Variants in AGBL4 observed in about 807,000 individuals in gnomAD.
The protein encoded by AGBL4 is AGBL carboxypeptidase 4, also known as cytosolic carboxypeptidase 6.
Under a neutral mutation model 66.4 loss-of-function variants are expected in AGBL4, and 58 were observed. The ratio of observed to expected loss-of-function variants is 0.87; its 90% CI spans 0.71 to 1.09. The LOEUF (loss-of-function observed/expected upper bound fraction) is 1.09. Ranked by LOEUF, AGBL4 falls within the 50% of genes least tolerant of loss-of-function variation. The probability of loss-of-function intolerance (pLI) is 0.00; values close to 1 mark genes in which losing one functional copy is unlikely to be tolerated. For missense variants in AGBL4, 579 were observed against 631.0 expected, an observed-to-expected ratio of 0.92 and a Z score of 0.88; for synonymous variants, 234 against 222.9, an observed-to-expected ratio of 1.05 and a Z score of -0.44.
chr1:49,238,238 G>A (rs1478957187), intron 4 of AGBL4, among the ~76,000 whole-genome samples: 1 of 152,074 alleles, frequency 6.6e-6, no homozygotes, highest in East Asian at 1.9e-4. Flanking sequence ...AATTTGGGAT[G>A]ATTTCATCCA....
At chr1:49,833,021 G>T (rs373722701) in intron 2 of AGBL4, among the ~76,000 whole-genome samples, 1 of 151,656 alleles carries the variant, frequency 6.6e-6, no homozygotes, top group African/African-American at 2.4e-5. Flanking sequence ...GTCAATTTTG[G>T]CTTTTGTTGC....
chr1:49,874,581 A>T (rs1219326989), intron 1 of AGBL4, among the ~76,000 whole-genome samples: 1 of 152,122 alleles, frequency 6.6e-6, no homozygotes, highest in Non-Finnish European at 1.5e-5. Flanking sequence ...AAAAAAGTAG[A>T]ATTACCTATG....
At chr1:49,065,823 C>G (rs1273912087) in intron 4 of AGBL4, among the ~76,000 whole-genome samples, 1 of 152,188 alleles carries the variant, frequency 6.6e-6, no homozygotes, top group Non-Finnish European at 1.5e-5. Context: ...AGCTTCTTAA[C>G]AGAAGCATTC....
At chr1:49,853,625 T>C (rs1317909747) in intron 1 of AGBL4, among the ~76,000 whole-genome samples, 1 of 152,006 alleles carries the variant, frequency 6.6e-6, no homozygotes, top group African/African-American at 2.4e-5. Context: ...TGAAAGATAT[T>C]GAGGTACAAA....
chr1:49,036,458 G>C (rs1218529896), intron 5 of AGBL4, among the ~76,000 whole-genome samples: 3 of 152,128 alleles, frequency 2.0e-5, no homozygotes, highest in African/African-American at 7.2e-5. Context: ...TGACACCATG[G>C]AGTATAAAGA....
At chr1:48,627,838 G>A (rs1645530720) in intron 9 of AGBL4, among the ~76,000 whole-genome samples, 1 of 152,114 alleles carries the variant, frequency 6.6e-6, no homozygotes, top group African/African-American at 2.4e-5. Flanking sequence ...GGAGGTAAAG[G>A]AAAGGGCTGC....
intron 4 of AGBL4, among the ~76,000 whole-genome samples, chr1:49,056,378 G>T (rs932434429): frequency 1.3e-4 from 20 of 152,140 alleles, no homozygotes; most frequent in Non-Finnish European, 2.2e-4. Flanking sequence ...GAAAAAGCAA[G>T]ATAAGGGGAT....
At chr1:49,839,160 G>A (rs138300460) in intron 2 of AGBL4, among the ~76,000 whole-genome samples, 1 of 152,074 alleles carries the variant, frequency 6.6e-6, no homozygotes, top group Admixed American at 6.6e-5. Flanking sequence ...AAATAGGAAA[G>A]AAAAATATAT....
At chr1:48,856,989 A>G (rs1647177578) in intron 6 of AGBL4, among the ~76,000 whole-genome samples, 1 of 152,210 alleles carries the variant, frequency 6.6e-6, no homozygotes, top group Admixed American at 6.5e-5. Context: ...TGAAAAAGAC[A>G]AAGGATTTAG....
chr1:49,440,904 T>C (rs989179888), intron 3 of AGBL4, among the ~76,000 whole-genome samples: 3 of 152,106 alleles, frequency 2.0e-5, no homozygotes, highest in Admixed American at 6.5e-5. Flanking sequence ...ATGAACTTTT[T>C]TTGCCAGAAG....
intron 6 of AGBL4, among the ~76,000 whole-genome samples, chr1:48,715,314 T>G (rs886880931): frequency 6.6e-6 from 1 of 152,216 alleles, no homozygotes; most frequent in Non-Finnish European, 1.5e-5. Flanking sequence ...TCCTTCTTGA[T>G]GTCCCTGAGT....
intron 3 of AGBL4, among the ~76,000 whole-genome samples, chr1:49,266,776 G>A (rs1208343022): frequency 2.0e-5 from 3 of 152,138 alleles, no homozygotes; most frequent in Admixed American, 2.0e-4. Flanking sequence ...TAATTCTGGG[G>A]CTGGGTAGGG....
chr1:48,674,058 C>T (rs1646322973), intron 6 of AGBL4, among the ~76,000 whole-genome samples: 1 of 152,182 alleles, frequency 6.6e-6, no homozygotes, highest in Admixed American at 6.5e-5. Context: ...CGCTTGTCCC[C>T]TGCCCACCTC....
At chr1:49,633,637 G>A (rs1346168185) in intron 3 of AGBL4, among the ~76,000 whole-genome samples, 1 of 151,586 alleles carries the variant, frequency 6.6e-6, no homozygotes, top group Non-Finnish European at 1.5e-5. Context: ...CTAGCCTGGG[G>A]GACAGAGTGA....
chr1:48,531,530 C>A (rs1643906605), downstream of AGBL4, among the ~76,000 whole-genome samples: 1 of 152,156 alleles, frequency 6.6e-6, no homozygotes, highest in Non-Finnish European at 1.5e-5. Context: ...TCCAAAGGAA[C>A]CCATCCAGTG....
chr1:49,031,076 A>G (rs1243429788), intron 5 of AGBL4, among the ~76,000 whole-genome samples: 3 of 152,048 alleles, frequency 2.0e-5, no homozygotes, highest in African/African-American at 7.2e-5. Context: ...TCAAATTGCT[A>G]AAAGAGTAGA....
At chr1:49,157,758 T>C (rs1646461894) in intron 4 of AGBL4, among the ~76,000 whole-genome samples, 1 of 152,202 alleles carries the variant, frequency 6.6e-6, no homozygotes, top group Non-Finnish European at 1.5e-5. Context: ...TCCTGTCTTT[T>C]AATGATTGCC....
At chr1:48,846,699 A>G (rs1202543669) in intron 6 of AGBL4, among the ~76,000 whole-genome samples, 2 of 152,228 alleles carry the variant, frequency 1.3e-5, no homozygotes, top group African/African-American at 4.8e-5. Context: ...ATATAAGGGA[A>G]TAGTGAGTGG....
At chr1:49,733,605 C>A (rs1649626901) in intron 2 of AGBL4, among the ~76,000 whole-genome samples, 1 of 152,108 alleles carries the variant, frequency 6.6e-6, no homozygotes, top group Non-Finnish European at 1.5e-5. Flanking sequence ...TTGTATCCCC[C>A]CAAATTCACA....
Sources: gnomAD v4.1 joint callset for allele counts (sites outside exome capture counted in the v4.1 genomes callset) on GRCh38, gnomAD v4.1.1 for gene constraint, MANE v1.5 for transcripts, NCBI Gene and HGNC (gene_info 2026-07-23, HGNC 2026-07-21) for gene names.